Variants in SNX24 observed in about 807,000 individuals in gnomAD.
SNX24 encodes sorting nexin 24, also known as sorting nexin-24.
Under a neutral mutation model 28.7 loss-of-function variants are expected in SNX24, and 22 were observed. The observed-to-expected ratio is 0.77, with a 90% CI of 0.55 to 1.10. The LOEUF is 1.10. Among genes scored for constraint, SNX24 ranks in the 50% least tolerant of loss-of-function variants. The pLI is 0.00. For missense variants in SNX24, 221 were observed against 201.1 expected, an observed-to-expected ratio of 1.10 and a Z score of -0.60; for synonymous variants, 69 against 71.5, an observed-to-expected ratio of 0.96 and a Z score of 0.18.
At chr5:122,908,648 C>A (rs1184897458) in intron 1 of SNX24, among the ~76,000 whole-genome samples, 1 of 151,964 alleles carries the variant, frequency 6.6e-6, no homozygotes, top group African/African-American at 2.4e-5. Flanking sequence ...CCATTTTTTC[C>A]AACACCGACT....
At chr5:122,943,625 G>A (rs1759558653) in intron 2 of SNX24, among the ~76,000 whole-genome samples, 1 of 152,158 alleles carries the variant, frequency 6.6e-6, no homozygotes, top group Admixed American at 6.5e-5. Flanking sequence ...AACACCAGAG[G>A]CAGCCCTCAG....
At chr5:122,849,585 A>G (rs1343840771) in intron 1 of SNX24, among the ~76,000 whole-genome samples, 2 of 150,554 alleles carry the variant, frequency 1.3e-5, no homozygotes, top group African/African-American at 2.4e-5. Context: ...AAACTCAGAT[A>G]TGCCCCCAAA....
intron 2 of SNX24, among the ~76,000 whole-genome samples, chr5:122,940,602 C>G (rs1473068245): frequency 6.6e-6 from 1 of 152,160 alleles, no homozygotes; most frequent in Admixed American, 6.5e-5. Context: ...GACAGAGTCT[C>G]ACTTTATCAC....
chr5:122,911,169 A>C (rs1182737210), intron 1 of SNX24, among the ~76,000 whole-genome samples: 3 of 149,286 alleles, frequency 2.0e-5, no homozygotes, highest in Non-Finnish European at 4.5e-5. Context: ...TTCTAACTGG[A>C]GTGAGATGGT....
rs11292012 is a variant in SNX24 at position 122,895,008 on chromosome 5, CTT to C, written c.61-41711_61-41710del. Among the ~76,000 whole-genome samples, 965 of 144,358 alleles carry C rather than the reference CTT, an allele frequency of 6.7e-3. 8 individuals carry two copies. The highest frequency in any genetic ancestry group is 0.017 in the African/African-American group (664 of 39,616). 94.7% of individuals were successfully genotyped at this position (144,358 alleles called of 152,430 possible). A position where few individuals can be genotyped will look rare whatever the true frequency, so the allele number is the denominator to read the frequency against. On this transcript the variant is annotated intron_variant, in intron 1 of 6. Coordinates refer to ENST00000261369, the MANE Select transcript of SNX24 (RefSeq NM_014035.4). ...ATCACTTCATTTTAGTTTAACAGTACTTTTTTTTTTTTTTTTAAACAGAGCAC... is the reference window on the plus strand; with the variant it reads ...ATCACTTCATTTTAGTTTAACAGTACTTTTTTTTTTTTTTAAACAGAGCAC...
chr5:122,850,933 G>C (rs375954818), intron 1 of SNX24, among the ~76,000 whole-genome samples: 1 of 152,120 alleles, frequency 6.6e-6, no homozygotes, highest in East Asian at 1.9e-4. Context: ...GGCTGGAAGA[G>C]AGAGGGTGGA....
chr5:122,883,109 C>CTA (rs1207186911), intron 1 of SNX24, among the ~76,000 whole-genome samples: 1 of 152,126 alleles, frequency 6.6e-6, no homozygotes, highest in Non-Finnish European at 1.5e-5. Flanking sequence ...ATTTAACTAG[C>CTA]TATTGTCAGT....
At chr5:122,932,858 C>CAAAAAAAAAAAAAAAAAA (rs57930558) in intron 1 of SNX24, among the ~76,000 whole-genome samples, 4 of 87,982 alleles carry the variant, frequency 4.5e-5, no homozygotes, top group East Asian at 3.6e-4. Context: ...GACTCTGTCT[C>CAAAAAAAAAAAAAAAAAA]AAAAAAAAAA....
chr5:122,912,734 G>GT (rs71223068), intron 1 of SNX24, among the ~76,000 whole-genome samples: 6,589 of 136,978 alleles, frequency 0.048, 161 homozygotes, highest in Non-Finnish European at 0.065. Flanking sequence ...AATCATGTGG[G>GT]TTTTTTTTTT....
intron 3 of SNX24, among the ~76,000 whole-genome samples, chr5:122,985,019 C>T (rs1325054483): frequency 1.3e-5 from 2 of 152,152 alleles, no homozygotes; most frequent in East Asian, 3.8e-4. Flanking sequence ...ATAAAGAGGT[C>T]AGAGAGGGAC....
chr5:123,009,164 G>T lies in SNX24; in HGVS notation c.*1415G>T, dbSNP rs996597000. ...GGAGATTTTTTTAAAATGTTTTTAT[G>T]TTATTAGCTATTTGGAGTTAAATAA... On this transcript the variant is annotated 3_prime_UTR_variant, in exon 7 of 7. Coordinates refer to ENST00000261369, the MANE Select transcript of SNX24 (RefSeq NM_014035.4). The T allele has an allele frequency of 6.6e-5, 65 of 983,570 alleles. No homozygotes were observed. The highest frequency in any genetic ancestry group is 7.7e-5 in the Non-Finnish European group (64 of 827,928). 60.9% of individuals were successfully genotyped at this position (983,570 alleles called of 1,614,324 possible).
chr5:122,864,516 A>C (rs1225317062), intron 1 of SNX24, among the ~76,000 whole-genome samples: 1 of 152,256 alleles, frequency 6.6e-6, no homozygotes, highest in Non-Finnish European at 1.5e-5. Context: ...TACTCAAATC[A>C]ATCTCCCCAA....
chr5:122,845,837 G>T lies in SNX24; in HGVS notation c.60+144G>T, dbSNP rs1754600079. ...TCCCCCGGCCCAGAGGAAGGGCTGC[G>T]CCCTTGGCGCGGTTGTCAAGGAAAC... On this transcript the variant is annotated intron_variant, in intron 1 of 6. Transcript: ENST00000261369. The T allele has an allele frequency of 2.0e-5, 9 of 439,862 alleles. No homozygotes were observed. The East Asian group carries it at 3.5e-4, about 17-fold the overall frequency. 27.2% of individuals were successfully genotyped at this position (439,862 alleles called of 1,614,324 possible). A position where few individuals can be genotyped will look rare whatever the true frequency, so the allele number is the denominator to read the frequency against.
chr5:122,928,178 T>C (rs1021085533), intron 1 of SNX24, among the ~76,000 whole-genome samples: 1 of 152,174 alleles, frequency 6.6e-6, no homozygotes, highest in African/African-American at 2.4e-5. Context: ...CACACAATGG[T>C]AATGCTGAAA....
At chr5:122,988,992 C>G (rs1761719471) in intron 3 of SNX24, among the ~76,000 whole-genome samples, 1 of 152,004 alleles carries the variant, frequency 6.6e-6, no homozygotes, top group Non-Finnish European at 1.5e-5. Flanking sequence ...AAGTGTTCTA[C>G]CCAGTACTAA....
chr5:122,985,586 T>C (rs563719132), intron 3 of SNX24, among the ~76,000 whole-genome samples: 1 of 152,322 alleles, frequency 6.6e-6, no homozygotes, highest in African/African-American at 2.4e-5. Flanking sequence ...GTTATGAAGA[T>C]ATTAGATGTT....
At chr5:123,014,765 G>T (rs539946492) in intron 5 of SNX24, among the ~76,000 whole-genome samples, 26 of 152,104 alleles carry the variant, frequency 1.7e-4, no homozygotes, top group Non-Finnish European at 3.7e-4. Context: ...TTAAATTTCT[G>T]CTGCCCTCTC....
At chr5:123,023,938 C>A in intron 5 of SNX24, 1 of 1,614,036 alleles carries the variant, frequency 6.2e-7, no homozygotes, top group East Asian at 2.2e-5. Context: ...TGTTGATGAT[C>A]GAGCAGTTGG....
intron 1 of SNX24, among the ~76,000 whole-genome samples, chr5:122,886,425 G>GT (rs1014459342): frequency 1.4e-4 from 22 of 152,028 alleles, no homozygotes; most frequent in African/African-American, 5.3e-4. Flanking sequence ...TCTTTTCCAT[G>GT]TATCTTGCCA....
Sources: gnomAD v4.1 joint callset for allele counts (sites outside exome capture counted in the v4.1 genomes callset) on GRCh38, gnomAD v4.1.1 for gene constraint, MANE v1.5 for transcripts, NCBI Gene and HGNC (gene_info 2026-07-23, HGNC 2026-07-21) for gene names.